PI15: variants seen among roughly 807,000 people sequenced by gnomAD.
The protein encoded by PI15 is peptidase inhibitor 15, also known as 25 kDa trypsin inhibitor.
In PI15, 18 loss-of-function variants were observed where a neutral mutation model predicts 31.0. The observed-to-expected ratio is 0.58, with a 90% CI of 0.40 to 0.86. PI15 has a LOEUF of 0.86. Among genes scored for constraint, PI15 ranks in the 40% least tolerant of loss-of-function variants. The pLI, the probability that PI15 is intolerant of heterozygous loss-of-function variation, is 0.00. For missense variants in PI15, 282 were observed against 328.1 expected (o/e 0.86, Z 1.09); for synonymous variants, 118 against 119.1 (o/e 0.99, Z 0.06).
At chr8:74,842,717 C>T (rs1358761175) in intron 2 of PI15, among the ~76,000 whole-genome samples, 1 of 152,150 alleles carries the variant, frequency 6.6e-6, no homozygotes, top group Non-Finnish European at 1.5e-5. Context: ...CATATGCTAA[C>T]TAATATGAAT....
chr8:74,839,150 A>G (rs1332157242), intron 2 of PI15, among the ~76,000 whole-genome samples: 1 of 152,174 alleles, frequency 6.6e-6, no homozygotes, highest in Non-Finnish European at 1.5e-5. Flanking sequence ...ACTCTTTTAG[A>G]TATTTAAATG....
intron 2 of PI15, among the ~76,000 whole-genome samples, chr8:74,829,527 T>C (rs1810749234): frequency 1.3e-5 from 2 of 152,130 alleles, no homozygotes; most frequent in Admixed American, 1.3e-4. Context: ...GAGTAAAATT[T>C]GTAGGATGTT....
chr8:74,825,051 A>T (rs1810671631), intron 1 of PI15, 159 bp from the exon 2 acceptor site: 2 of 637,894 alleles, frequency 3.1e-6, no homozygotes, highest in South Asian at 3.9e-5. Context: ...ATGAATAGAG[A>T]TTCTACTGTA....
At chr8:74,844,942 C>G in intron 3 of PI15, 186 bp from the exon 4 acceptor site, 1 of 584,670 alleles carries the variant, frequency 1.7e-6, no homozygotes, top group Admixed American at 3.0e-5. Flanking sequence ...CTGGCCATTT[C>G]CATGCTTGGC....
intron 1 of PI15, 53 bp from the exon 2 acceptor site, chr8:74,825,157 C>A: frequency 4.1e-6 from 4 of 985,104 alleles, no homozygotes; most frequent in South Asian, 1.5e-5. Flanking sequence ...AAATTCATAC[C>A]CTCTGGCCCT....
At chr8:74,848,185 A>C (rs79481905) in intron 5 of PI15, among the ~76,000 whole-genome samples, 1,910 of 152,328 alleles carry the variant, frequency 0.013, 30 homozygotes, top group African/African-American at 0.044. Flanking sequence ...CAAAAATCTA[A>C]TAGCACTAAT....
intron 2 of PI15, among the ~76,000 whole-genome samples, chr8:74,836,017 G>C (rs1810867839): frequency 6.6e-6 from 1 of 152,164 alleles, no homozygotes; most frequent in Non-Finnish European, 1.5e-5. Context: ...TTATAGTCTA[G>C]AGATACAGTA....
At chr8:74,837,889 A>G (rs1455926708) in intron 2 of PI15, among the ~76,000 whole-genome samples, 5 of 152,136 alleles carry the variant, frequency 3.3e-5, no homozygotes, top group Non-Finnish European at 5.9e-5. Flanking sequence ...TGTATTTGAA[A>G]ATGGTTTCCA....
At position 74,851,717 on chromosome 8, in the gene PI15, A is replaced by T. The variant is rs1811106738; in HGVS notation, c.*2464A>T. On this transcript the variant is annotated 3_prime_UTR_variant, in exon 6 of 6. Transcript: ENST00000260113. The stretch of plus-strand genomic sequence containing the variant: ...AAGAAGCCAAAAATGGCAACAATTT[A>T]CAGAAATCCCACCTTTCCATGCTTA... 6.6e-6 allele frequency: 1 copy of T among 152,124 alleles called. No individual in the cohort carries two copies. Among genetic ancestry groups the T allele is most frequent in the African/African-American group, 2.4e-5 (1 of 41,454 alleles). 9.4% of individuals were successfully genotyped at this position (152,124 alleles called of 1,614,324 possible).
chr8:74,830,704 A>G (rs577185116), intron 2 of PI15, among the ~76,000 whole-genome samples: 1 of 152,214 alleles, frequency 6.6e-6, no homozygotes, highest in South Asian at 2.1e-4. Context: ...ATACATGTAT[A>G]TATCTTTTTT....
chr8:74,835,301 C>A (rs1238940536), intron 2 of PI15, among the ~76,000 whole-genome samples: 1 of 152,086 alleles, frequency 6.6e-6, no homozygotes, highest in Non-Finnish European at 1.5e-5. Flanking sequence ...TTTCCGTGAA[C>A]ATAGAACCAC....
At position 74,849,777 on chromosome 8, in the gene PI15, A is replaced by C. The variant is rs1316888206; in HGVS notation, c.*524A>C. 1.3e-5 allele frequency: 2 copies of C among 152,218 alleles called. No homozygotes were observed. Among genetic ancestry groups the C allele is most frequent in the Admixed American group, 6.6e-5 (1 of 15,264 alleles). The allele number at this position is 152,218 out of a possible 1,614,324, so 9.4% of individuals were successfully genotyped here. A position where few individuals can be genotyped will look rare whatever the true frequency, so the allele number is the denominator to read the frequency against. ...AACACACATTTCTATAATACCCATG[A>C]AATGATAATTTGTAAAATAACACTT... On this transcript the variant is annotated 3_prime_UTR_variant, in exon 6 of 6. Coordinates refer to ENST00000260113, the MANE Select transcript of PI15 (RefSeq NM_015886.5).
intron 3 of PI15, among the ~76,000 whole-genome samples, chr8:74,844,469 GTA>G (rs1160719410): frequency 5.7e-5 from 8 of 140,350 alleles, no homozygotes; most frequent in Admixed American, 3.5e-4. Flanking sequence ...GTGTGTGTGT[GTA>G]TGCATATGAG....
intron 2 of PI15, among the ~76,000 whole-genome samples, chr8:74,842,794 A>G (rs1161106270): frequency 1.3e-5 from 2 of 152,216 alleles, no homozygotes; most frequent in African/African-American, 4.8e-5. Flanking sequence ...AAAATTTACC[A>G]TCCATCACTA....
rs919939551 is a variant in PI15, at chr8:74,850,616, C to T, written c.*1363C>T. 6.6e-6 allele frequency: 1 copy of T among 152,170 alleles called. No individual in the cohort carries two copies. Among genetic ancestry groups the T allele is most frequent in the Non-Finnish European group, 1.5e-5 (1 of 68,010 alleles). The allele number at this position is 152,170 out of a possible 1,614,324, so 9.4% of individuals were successfully genotyped here. A position where few individuals can be genotyped will look rare whatever the true frequency, so the allele number is the denominator to read the frequency against. On this transcript the variant is annotated 3_prime_UTR_variant, in exon 6 of 6. Transcript: ENST00000260113. ...ATGATTTTGTTAAAGTAGCCTTCTTCAGATGCTTTTCTAAGGGCTAGTTAC... is the reference window on the plus strand; with the variant it reads ...ATGATTTTGTTAAAGTAGCCTTCTTTAGATGCTTTTCTAAGGGCTAGTTAC...
At chr8:74,846,649 A>C (rs1238380964) in intron 5 of PI15, among the ~76,000 whole-genome samples, 1 of 152,210 alleles carries the variant, frequency 6.6e-6, no homozygotes, top group East Asian at 1.9e-4. Context: ...GCTACATTTC[A>C]GTTGTAATAA....
Position 74,825,246 on chromosome 8 carries a change from CAAA to C in PI15, c.-2_1del. 1.9e-6 allele frequency: 3 copies of C among 1,612,534 alleles called. No individual in the cohort carries two copies. Among genetic ancestry groups the C allele is most frequent in the Non-Finnish European group, 2.5e-6 (3 of 1,178,918 alleles). On this transcript the variant is annotated 5_prime_UTR_variant, in exon 2 of 6. Coordinates refer to ENST00000260113, the MANE Select transcript of PI15 (RefSeq NM_015886.5). ...CGGTGGCCTCTTCTTCTCCACCCCT[CAAA>C]ATGATAGCAATCTCTGCCGTCAGCA...
In PI15 at chr8:74,852,449, T is replaced by A. The variant is rs1303586729; in HGVS notation, c.*3196T>A. The stretch of plus-strand genomic sequence containing the variant: ...ATGTGGATGAAGCCATTATTGTTAT[T>A]ATTGTTATTGCTTCTGTTCAGTTGT... On this transcript the variant is annotated 3_prime_UTR_variant, in exon 6 of 6. Coordinates refer to ENST00000260113, the MANE Select transcript of PI15 (RefSeq NM_015886.5). The A allele has an allele frequency of 6.6e-6, 1 of 152,124 alleles. No homozygotes were observed. The highest frequency in any genetic ancestry group is 1.5e-5 in the Non-Finnish European group (1 of 67,974). 9.4% of individuals were successfully genotyped at this position (152,124 alleles called of 1,614,324 possible).
rs545531661 is a variant in PI15 at position 74,832,945 on chromosome 8, C to G, written c.273+7423C>G. Reference sequence around the variant, plus strand: ...TAATGTTTTCTAGTAAAAAGTGCATCAAATTCACTTTTAATAATTTAGTTA... The same window carrying G: ...TAATGTTTTCTAGTAAAAAGTGCATGAAATTCACTTTTAATAATTTAGTTA... On this transcript the variant is annotated intron_variant, in intron 2 of 5. Transcript: ENST00000260113. Among the ~76,000 whole-genome samples, 27 of 152,202 alleles carry G rather than the reference C, an allele frequency of 1.8e-4. 1 individual carries two copies. In the South Asian group the frequency reaches 5.6e-3, roughly 32 times the overall value.
Sources: allele counts gnomAD v4.1 joint callset (sites outside exome capture counted in the v4.1 genomes callset), GRCh38; gene constraint gnomAD v4.1.1; transcripts MANE v1.5; gene names NCBI Gene and HGNC (gene_info 2026-07-23, HGNC 2026-07-21).